Variants in GALNT14 observed in about 807,000 individuals in gnomAD.
The protein encoded by GALNT14 is polypeptide N-acetylgalactosaminyltransferase 14.
GALNT14 carries 60 observed loss-of-function variants against 77.5 expected under a neutral mutation model. The ratio of observed to expected loss-of-function variants is 0.77; its 90% CI spans 0.63 to 0.96. The LOEUF (loss-of-function observed/expected upper bound fraction) is 0.96, where lower values mean the gene tolerates loss of function less well. GALNT14 is among the 40% of genes least tolerant of loss of function. The pLI, the probability that GALNT14 is intolerant of heterozygous loss-of-function variation, is 0.00. For synonymous variants in GALNT14, 280 were observed against 281.7 expected (o/e 0.99, Z 0.06); for missense variants, 710 against 731.0 (o/e 0.97, Z 0.33).
intron 13 of GALNT14, among the ~76,000 whole-genome samples, chr2:30,923,256 G>C (rs927787424): frequency 6.6e-6 from 1 of 151,970 alleles, no homozygotes; most frequent in African/African-American, 2.4e-5. Context: ...TAGAGACAGG[G>C]TTTCACCATG....
intron 1 of GALNT14, among the ~76,000 whole-genome samples, chr2:31,061,290 A>G (rs1674574697): frequency 1.3e-5 from 2 of 152,294 alleles, no homozygotes; most frequent in Admixed American, 1.3e-4. Flanking sequence ...CAAACCAGAA[A>G]TATGGCCTCT....
chr2:31,017,914 G>A (rs547624405), intron 1 of GALNT14, among the ~76,000 whole-genome samples: 221 of 152,382 alleles, frequency 1.5e-3, no homozygotes, highest in African/African-American at 5.1e-3. Flanking sequence ...CAACAAGGGT[G>A]AGATGTCTGT....
At chr2:31,027,293 A>G (rs563711737) in intron 1 of GALNT14, among the ~76,000 whole-genome samples, 66 of 152,290 alleles carry the variant, frequency 4.3e-4, no homozygotes, top group African/African-American at 1.4e-3. Flanking sequence ...TTAGCCGGGC[A>G]TGGTGGCACA....
intron 1 of GALNT14, among the ~76,000 whole-genome samples, chr2:31,017,050 CT>C (rs1447590550): frequency 5.9e-5 from 9 of 152,252 alleles, no homozygotes; most frequent in African/African-American, 2.2e-4. Context: ...AAGCAAGGGT[CT>C]CAAAGCTAGC....
intron 1 of GALNT14, among the ~76,000 whole-genome samples, chr2:31,006,670 T>C (rs1287449052): frequency 6.6e-6 from 1 of 152,184 alleles, no homozygotes; most frequent in East Asian, 1.9e-4. Flanking sequence ...GGAGGAGGCA[T>C]GGCAGGAAGC....
chr2:31,000,434 ACT>A (rs1670295684), intron 1 of GALNT14, among the ~76,000 whole-genome samples: 1 of 83,218 alleles, frequency 1.2e-5, no homozygotes, highest in Admixed American at 1.3e-4. Flanking sequence ...AATATCACCA[ACT>A]GTGTGTGTGT....
intron 1 of GALNT14, among the ~76,000 whole-genome samples, chr2:31,113,964 G>T (rs762772852): frequency 6.6e-6 from 1 of 152,118 alleles, no homozygotes; most frequent in Non-Finnish European, 1.5e-5. Context: ...GCCTGCAGCT[G>T]CAGAACAATG....
intron 13 of GALNT14, among the ~76,000 whole-genome samples, chr2:30,914,724 C>T (rs1308901506): frequency 1.3e-5 from 2 of 152,202 alleles, no homozygotes; most frequent in African/African-American, 4.8e-5. Context: ...TCCCTTGGAC[C>T]TGGGGATGTG....
chr2:30,955,006 T>C (rs1667268744), intron 6 of GALNT14, among the ~76,000 whole-genome samples: 1 of 152,236 alleles, frequency 6.6e-6, no homozygotes, highest in African/African-American at 2.4e-5. Flanking sequence ...GGGAAGTGGA[T>C]AGACTTCAGG....
At chr2:30,926,509 G>A (rs1388555588) in intron 11 of GALNT14, among the ~76,000 whole-genome samples, 2 of 152,186 alleles carry the variant, frequency 1.3e-5, no homozygotes, top group Non-Finnish European at 2.9e-5. Context: ...GAACTCAAAG[G>A]ATAGGTTTAG....
At chr2:30,933,199 C>T (rs1284831047) in intron 9 of GALNT14, among the ~76,000 whole-genome samples, 2 of 152,146 alleles carry the variant, frequency 1.3e-5, no homozygotes, top group East Asian at 3.9e-4. Flanking sequence ...CTTAAATTTT[C>T]TACAGATAAT....
intron 1 of GALNT14, among the ~76,000 whole-genome samples, chr2:31,062,111 AG>A (rs1224846168): frequency 6.6e-6 from 1 of 152,220 alleles, no homozygotes; most frequent in South Asian, 2.1e-4. Context: ...TTTGTTACAT[AG>A]GTATACATGT....
intron 9 of GALNT14, among the ~76,000 whole-genome samples, chr2:30,938,142 T>C (rs1666164260): frequency 6.6e-6 from 1 of 151,224 alleles, no homozygotes; most frequent in Non-Finnish European, 1.5e-5. Flanking sequence ...ACTTCCTCTC[T>C]GGGCCCCAAC....
chr2:31,068,831 G>C (rs1558543535), intron 1 of GALNT14, among the ~76,000 whole-genome samples: 1 of 152,208 alleles, frequency 6.6e-6, no homozygotes, highest in Non-Finnish European at 1.5e-5. Context: ...AAGGAAGAAA[G>C]TACTGGCACG....
chr2:31,062,836 G>C (rs1052208061), intron 1 of GALNT14, among the ~76,000 whole-genome samples: 4 of 151,970 alleles, frequency 2.6e-5, no homozygotes, highest in African/African-American at 7.3e-5. Flanking sequence ...TTTTTCATTT[G>C]TTTGTTGGCC....
At chr2:31,023,557 T>C (rs10210092) in intron 1 of GALNT14, among the ~76,000 whole-genome samples, 60,945 of 151,898 alleles carry the variant, frequency 0.4, 12,401 homozygotes, top group East Asian at 0.55. Context: ...TGCACTTTCT[T>C]CCCTTCCTTT....
chr2:30,981,910 C>T (rs1009460334), intron 2 of GALNT14, among the ~76,000 whole-genome samples: 1 of 152,152 alleles, frequency 6.6e-6, no homozygotes, highest in South Asian at 2.1e-4. Context: ...TTCGCAGGCT[C>T]AGGCCAGTTA....
rs187141252 is a variant in GALNT14, at chr2:31,136,751, G to A, written c.129+1207C>T. ...GTGGAGGCTGGAGTTCAAACCAGTAGAACGACTTAAGGTACGTGACTTAAA... is the reference window on the plus strand; with the variant it reads ...GTGGAGGCTGGAGTTCAAACCAGTAAAACGACTTAAGGTACGTGACTTAAA... On this transcript the variant is annotated intron_variant, in intron 1 of 14. Transcript: ENST00000349752. Among the ~76,000 whole-genome samples, 203 of 152,246 alleles carry A rather than the reference G, an allele frequency of 1.3e-3. 2 individuals carry two copies. The highest frequency in any genetic ancestry group is 4.7e-3 in the African/African-American group (194 of 41,530).
intron 1 of GALNT14, among the ~76,000 whole-genome samples, chr2:30,994,532 CA>C (rs1454764451): frequency 2.0e-5 from 3 of 152,174 alleles, no homozygotes; most frequent in Non-Finnish European, 4.4e-5. Context: ...CTTTGGAGAC[CA>C]GAGATTTTTA....
Sources: gnomAD v4.1 joint callset for allele counts (sites outside exome capture counted in the v4.1 genomes callset) on GRCh38, gnomAD v4.1.1 for gene constraint, MANE v1.5 for transcripts, NCBI Gene and HGNC (gene_info 2026-07-23, HGNC 2026-07-21) for gene names.